ANKRD28: variants seen among roughly 807,000 people sequenced by gnomAD.
ANKRD28 encodes the protein ankyrin repeat domain 28.
Under a neutral mutation model 126.5 loss-of-function variants are expected in ANKRD28, and 44 were observed. The ratio of observed to expected loss-of-function variants is 0.35; its 90% CI spans 0.27 to 0.45. The LOEUF (loss-of-function observed/expected upper bound fraction) is 0.45. ANKRD28 is among the 20% of genes least tolerant of loss of function. ANKRD28 has a pLI of 1.00. For missense variants in ANKRD28, 1,110 were observed against 1,316.6 expected, an observed-to-expected ratio of 0.84 and a Z score of 2.43; for synonymous variants, 442 against 468.5, an observed-to-expected ratio of 0.94 and a Z score of 0.73.
chr3:15,849,295 T>C (rs1255678734), intron 1 of ANKRD28, among the ~76,000 whole-genome samples: 1 of 152,166 alleles, frequency 6.6e-6, no homozygotes, highest in Admixed American at 6.5e-5. Flanking sequence ...AATTGACCCA[T>C]GGATGCTAAA....
At chr3:15,775,650 T>C (rs2059228117) in intron 2 of ANKRD28, among the ~76,000 whole-genome samples, 1 of 152,226 alleles carries the variant, frequency 6.6e-6, no homozygotes. Context: ...TTATATTTAC[T>C]GATGTATTAA....
chr3:15,797,085 C>T lies in ANKRD28; in HGVS notation c.-564G>A, dbSNP rs1354223242. 1.0e-6 allele frequency: 1 copy of T among 984,466 alleles called. No individual in the cohort carries two copies. Among genetic ancestry groups the T allele is most frequent in the East Asian group, 1.1e-4 (1 of 8,778 alleles). 61.0% of individuals were successfully genotyped at this position (984,466 alleles called of 1,614,324 possible). ...CACTTCTAATTTGTCTTCATTTCTT[C>T]ATCACTGGTTTAATGCAGATACTAT... On this transcript the variant is annotated 5_prime_UTR_variant, in exon 1 of 28. The change abolishes an upstream ATG in the 5' untranslated region. Coordinates refer to ENST00000683139, the MANE Select transcript of ANKRD28 (RefSeq NM_001349278.2).
At chr3:15,716,360 T>C (rs765821884) in intron 8 of ANKRD28, among the ~76,000 whole-genome samples, 1 of 150,328 alleles carries the variant, frequency 6.7e-6, no homozygotes. Flanking sequence ...GGTGTAATCA[T>C]AGTTCACTGC....
chr3:15,717,969 A>C (rs2073266489), intron 8 of ANKRD28, among the ~76,000 whole-genome samples: 1 of 152,222 alleles, frequency 6.6e-6, no homozygotes, highest in South Asian at 2.1e-4. Flanking sequence ...GAAAAGATTA[A>C]GCAGGAAAAA....
chr3:15,857,585 G>GC (rs1219293757), intron 1 of ANKRD28, among the ~76,000 whole-genome samples: 1 of 152,172 alleles, frequency 6.6e-6, no homozygotes, highest in Non-Finnish European at 1.5e-5. Context: ...GCGCCTGGCC[G>GC]CAAGTGGCAT....
At chr3:15,673,500 G>T (rs1000149083) in intron 27 of ANKRD28, among the ~76,000 whole-genome samples, 4 of 152,130 alleles carry the variant, frequency 2.6e-5, no homozygotes, top group African/African-American at 7.2e-5. Context: ...CTTTAGTGGA[G>T]AAGACACAAA....
In ANKRD28 at chr3:15,812,442, A is replaced by T. The variant is rs1258535275; in HGVS notation, c.28-17136T>A. On this transcript the variant is annotated intron_variant, in intron 1 of 27. Coordinates refer to the ANKRD28 transcript ENST00000399451. This position sits in a 1 kb window ranked among gnomAD's most constrained non-coding sequence, Gnocchi z 4.1. ...CAATTTATACAGTTATTAAAAGCAA[A>T]ATTAGCTAAATGATTTGTGACTCTG... 1.3e-5 allele frequency among the ~76,000 whole-genome samples: 2 copies of T among 152,222 alleles called. No individual in the cohort carries two copies. The highest frequency in any genetic ancestry group is 2.1e-4 in the South Asian group (1 of 4,830).
rs777836210 is a variant in ANKRD28 at position 15,797,090 on chromosome 3, C to T, written c.-569G>A. 4.1e-5 allele frequency: 40 copies of T among 984,584 alleles called. No homozygotes were observed. Among genetic ancestry groups the T allele is most frequent in the Non-Finnish European group, 4.1e-5 (34 of 829,830 alleles). The allele number at this position is 984,584 out of a possible 1,614,324, so 61.0% of individuals were successfully genotyped here. On this transcript the variant is annotated 5_prime_UTR_variant, in exon 1 of 28. It adds an upstream start codon to the 5' untranslated region. Coordinates refer to ENST00000683139, the MANE Select transcript of ANKRD28 (RefSeq NM_001349278.2). Reference sequence around the variant, plus strand: ...CTAATTTGTCTTCATTTCTTCATCACTGGTTTAATGCAGATACTATTCACA... The same window carrying T: ...CTAATTTGTCTTCATTTCTTCATCATTGGTTTAATGCAGATACTATTCACA...
intron 6 of ANKRD28, chr3:15,733,161 T>C (rs1429925666): frequency 6.6e-6 from 1 of 152,220 alleles, no homozygotes; most frequent in East Asian, 1.9e-4. Context: ...CAAGACTCTG[T>C]CTCAAACAAA....
At chr3:15,749,544 G>T (rs1376713537) in intron 4 of ANKRD28, among the ~76,000 whole-genome samples, 1 of 152,168 alleles carries the variant, frequency 6.6e-6, no homozygotes. Flanking sequence ...TGGTGAGCTG[G>T]TATATTTTGG....
rs565965777 is a variant in ANKRD28, at chr3:15,685,443, T to C, written c.2172A>G (p.Ala724=). 53 of 1,613,842 alleles carry C rather than the reference T, an allele frequency of 3.3e-5. No homozygotes were observed. In the East Asian group the frequency reaches 1.1e-3, roughly 34 times the overall value. ...KWGRTALHRG[A]VTGHEECVDA... ...CTACACATTCTTCATGGCCTGTAAC[T>C]GCCTGAAAGAAAATAATTTAAAGGT... Residue 724 remains alanine, a splice_region_variant and synonymous_variant, in exon 21 of 28, where the codon GCA becomes GCG. Coordinates refer to ENST00000683139, the MANE Select transcript of ANKRD28 (RefSeq NM_001349278.2).
intron 8 of ANKRD28, among the ~76,000 whole-genome samples, chr3:15,716,207 C>G (rs1259697814): frequency 6.6e-6 from 1 of 150,874 alleles, no homozygotes; most frequent in African/African-American, 2.4e-5. Flanking sequence ...GTCTTGAACT[C>G]AAGACCTCAA....
Position 15,669,443 on chromosome 3 carries a change from G to T in ANKRD28, c.*827C>A, listed in dbSNP as rs1006415814. The T allele has an allele frequency of 1.3e-5, 2 of 152,032 alleles. No individual in the cohort carries two copies. The highest frequency in any genetic ancestry group is 4.8e-5 in the African/African-American group (2 of 41,402). 9.4% of individuals were successfully genotyped at this position (152,032 alleles called of 1,614,324 possible). ...TTCTTTACATTTTCAAACAAAAATA[G>T]TACTATTTTAAACCCAAACCATTCA... On this transcript the variant is annotated 3_prime_UTR_variant, in exon 28 of 28. Transcript: ENST00000683139.
At chr3:15,770,392 T>C (rs1194445743) in intron 2 of ANKRD28, among the ~76,000 whole-genome samples, 1 of 147,394 alleles carries the variant, frequency 6.8e-6, no homozygotes, top group Non-Finnish European at 1.5e-5. Context: ...ATAATTACTA[T>C]GTATTGAATA....
intron 26 of ANKRD28, chr3:15,676,309 T>C: frequency 4.5e-6 from 1 of 221,494 alleles, no homozygotes; most frequent in Non-Finnish European, 8.8e-6. Context: ...CATTCCTCCG[T>C]TGTTAAGGAA....
chr3:15,838,950 G>A lies in ANKRD28; in HGVS notation c.27+20427C>T, dbSNP rs186289200. ...AGCAACGAAGAACCAATTAATACAT[G>A]TTACAACATGAATGAACCTCAACAA... On this transcript the variant is annotated intron_variant, in intron 1 of 27. Coordinates refer to the ANKRD28 transcript ENST00000399451. The surrounding 1 kb of genome is among the most constrained non-coding windows in gnomAD (Gnocchi z 4.0). 3.1e-3 allele frequency among the ~76,000 whole-genome samples: 471 copies of A among 152,256 alleles called. 3 individuals carry two copies. Among genetic ancestry groups the A allele is most frequent in the African/African-American group, 9.8e-3 (409 of 41,552 alleles).
At chr3:15,795,106 T>G in intron 2 of ANKRD28, 117 bp downstream of exon 2, 2 of 728,652 alleles carry the variant, frequency 2.7e-6, no homozygotes, top group East Asian at 2.7e-5. Flanking sequence ...CTTCCTGCCC[T>G]CATTTAAAAC....
intron 3 of ANKRD28, among the ~76,000 whole-genome samples, chr3:15,758,045 T>C (rs915877649): frequency 1.3e-5 from 2 of 152,238 alleles, no homozygotes; most frequent in African/African-American, 2.4e-5. Context: ...ACCTCTGATC[T>C]AGGCTAAGAA....
rs148326223 is a variant in ANKRD28 at position 15,769,540 on chromosome 3, A to G, written c.202-3228T>C. Among the ~76,000 whole-genome samples, 549 of 152,324 alleles carry G rather than the reference A, an allele frequency of 3.6e-3. 7 individuals carry two copies. The highest frequency in any genetic ancestry group is 0.013 in the African/African-American group (530 of 41,582). On this transcript the variant is annotated intron_variant, in intron 2 of 27. Coordinates refer to ENST00000683139, the MANE Select transcript of ANKRD28 (RefSeq NM_001349278.2). ...AATGCTAGTAACAACTTAAATGCCC[A>G]CTAAATGGTTACCTAAAATTATAAA...
Sources: allele counts gnomAD v4.1 joint callset (sites outside exome capture counted in the v4.1 genomes callset), GRCh38; gene constraint gnomAD v4.1.1; non-coding constraint Gnocchi (gnomAD v3.1); transcripts MANE v1.5; gene names NCBI Gene and HGNC (gene_info 2026-07-23, HGNC 2026-07-21).